Variants in SMYD3 observed in about 807,000 individuals in gnomAD.
The protein encoded by SMYD3 is SET and MYND domain containing 3, also known as histone-lysine N-methyltransferase SMYD3.
In SMYD3, 36 loss-of-function variants were observed where a neutral mutation model predicts 57.7. The observed-to-expected ratio is 0.62, with a 90% CI of 0.48 to 0.82. The LOEUF (loss-of-function observed/expected upper bound fraction) is 0.82, where lower values mean the gene tolerates loss of function less well. Ranked by LOEUF, SMYD3 falls within the 40% of genes least tolerant of loss-of-function variation. The pLI is 0.00. For synonymous variants in SMYD3, 211 were observed against 195.0 expected (o/e 1.08, Z -0.68); for missense variants, 515 against 538.8 (o/e 0.96, Z 0.44).
At chr1:246,445,254 T>C (rs909554576) in intron 1 of SMYD3, among the ~76,000 whole-genome samples, 7 of 152,194 alleles carry the variant, frequency 4.6e-5, no homozygotes, top group Non-Finnish European at 1.0e-4. Context: ...TACTGTCAAA[T>C]TAATAAATCA....
At chr1:246,462,436 G>A (rs1179667649) in intron 1 of SMYD3, among the ~76,000 whole-genome samples, 4 of 152,136 alleles carry the variant, frequency 2.6e-5, no homozygotes, top group Non-Finnish European at 5.9e-5. Flanking sequence ...ATGGGGGCCT[G>A]GCCTCAAGTC....
At chr1:245,873,944 A>G (rs866991568) in intron 8 of SMYD3, among the ~76,000 whole-genome samples, 1 of 152,180 alleles carries the variant, frequency 6.6e-6, no homozygotes, top group Non-Finnish European at 1.5e-5. Flanking sequence ...TGAGAACTAC[A>G]TTAGGGTTAC....
rs2148706787 is a variant in SMYD3, at chr1:246,355,829, C to T, written c.165-735G>A. 6.6e-6 allele frequency among the ~76,000 whole-genome samples: 1 copy of T among 152,258 alleles called. No individual in the cohort carries two copies. Among genetic ancestry groups the T allele is most frequent in the East Asian group, 1.9e-4 (1 of 5,172 alleles). ...AGAATCTGAGCTCAGACACACCTATCCCTGCCCCCTGGTGGTCTTTCTCTA... is the reference window on the plus strand; with the variant it reads ...AGAATCTGAGCTCAGACACACCTATTCCTGCCCCCTGGTGGTCTTTCTCTA... On this transcript the variant is annotated intron_variant, in intron 1 of 11. Transcript: ENST00000490107. The surrounding 1 kb of genome is among the most constrained non-coding windows in gnomAD (Gnocchi z 5.0).
chr1:246,446,442 A>G (rs1264035347), intron 1 of SMYD3, among the ~76,000 whole-genome samples: 1 of 152,226 alleles, frequency 6.6e-6, no homozygotes, highest in Non-Finnish European at 1.5e-5. Context: ...TGAAACCACT[A>G]TATTATCCAA....
intron 1 of SMYD3, among the ~76,000 whole-genome samples, chr1:246,435,590 A>G (rs2067358666): frequency 6.6e-6 from 1 of 151,974 alleles, no homozygotes; most frequent in Admixed American, 6.6e-5. Context: ...GGACAAAGCC[A>G]CTGCTTTTCT....
intron 5 of SMYD3, among the ~76,000 whole-genome samples, chr1:246,312,689 A>T (rs1390104018): frequency 6.6e-6 from 1 of 152,188 alleles, no homozygotes; most frequent in Non-Finnish European, 1.5e-5. Context: ...TATAGAAAAT[A>T]TGGGATGAGC....
intron 5 of SMYD3, among the ~76,000 whole-genome samples, chr1:245,984,967 A>G (rs1317704817): frequency 6.6e-6 from 1 of 151,778 alleles, no homozygotes; most frequent in African/African-American, 2.4e-5. Flanking sequence ...ACATCTCACG[A>G]CCCCACATGA....
intron 5 of SMYD3, among the ~76,000 whole-genome samples, chr1:246,062,933 T>C (rs761250546): frequency 4.6e-5 from 7 of 152,164 alleles, no homozygotes; most frequent in Non-Finnish European, 8.8e-5. Context: ...GTGACTACCT[T>C]GGAAAACTTA....
chr1:246,356,236 G>A (rs1046459247), intron 1 of SMYD3, among the ~76,000 whole-genome samples: 3 of 152,106 alleles, frequency 2.0e-5, no homozygotes, highest in Non-Finnish European at 2.9e-5. Context: ...CCATCCCTGG[G>A]GGAGGAGGGA....
chr1:246,345,599 G>A (rs570035493), intron 2 of SMYD3, among the ~76,000 whole-genome samples: 1 of 152,270 alleles, frequency 6.6e-6, no homozygotes, highest in African/African-American at 2.4e-5. Flanking sequence ...TTGGATTTTG[G>A]AGCGCTGCAG....
At chr1:246,269,301 G>A (rs148627550) in intron 5 of SMYD3, among the ~76,000 whole-genome samples, 13 of 152,204 alleles carry the variant, frequency 8.5e-5, no homozygotes, top group Middle Eastern at 3.4e-3. Context: ...TGAATTGAAC[G>A]GCTTCTAAGT....
At chr1:246,046,886 A>G (rs1335057755) in intron 5 of SMYD3, among the ~76,000 whole-genome samples, 4 of 151,784 alleles carry the variant, frequency 2.6e-5, no homozygotes, top group African/African-American at 9.7e-5. Context: ...AAATCAAATG[A>G]AAAATATTTT....
chr1:246,111,938 T>C (rs1380202082), intron 5 of SMYD3, among the ~76,000 whole-genome samples: 1 of 152,206 alleles, frequency 6.6e-6, no homozygotes, highest in Non-Finnish European at 1.5e-5. Flanking sequence ...AGCAATATTA[T>C]TTGTTTCACA....
chr1:246,104,642 G>GAA (rs148805548), intron 5 of SMYD3, among the ~76,000 whole-genome samples: 5 of 151,984 alleles, frequency 3.3e-5, no homozygotes, highest in African/African-American at 1.2e-4. Flanking sequence ...GAAATGGGGG[G>GAA]AAAAATAACA....
intron 5 of SMYD3, among the ~76,000 whole-genome samples, chr1:246,164,422 GAAAT>G (rs755805146): frequency 6.6e-6 from 1 of 151,936 alleles, no homozygotes. Context: ...TCCGTCTCAA[GAAAT>G]AAATAAATAA....
In SMYD3 at chr1:246,092,021, A is replaced by T. The variant is rs139166183; in HGVS notation, c.532-162084T>A. On this transcript the variant is annotated intron_variant, in intron 5 of 11. Transcript: ENST00000490107. Reference sequence around the variant, plus strand: ...TAGTCATTTAACACAATTTTTTTTTAAAAAGTATATGTAGCTTTTACTAAT... The same window carrying T: ...TAGTCATTTAACACAATTTTTTTTTTAAAAGTATATGTAGCTTTTACTAAT... Among the ~76,000 whole-genome samples the T allele has an allele frequency of 8.5e-4, 129 of 152,212 alleles. No individual in the cohort carries two copies. In the East Asian group the frequency reaches 8.9e-3, roughly 10 times the overall value.
chr1:245,960,353 AAAGC>A (rs2057967052), intron 5 of SMYD3, among the ~76,000 whole-genome samples: 1 of 152,234 alleles, frequency 6.6e-6, no homozygotes, highest in Non-Finnish European at 1.5e-5. Context: ...TTCTGTTATG[AAAGC>A]AGACAATTTA....
chr1:245,872,718 C>T (rs2052277626), intron 8 of SMYD3, among the ~76,000 whole-genome samples: 1 of 152,244 alleles, frequency 6.6e-6, no homozygotes, highest in Admixed American at 6.5e-5. Flanking sequence ...CTTTAGATCT[C>T]AGGCAGAAAC....
At chr1:245,882,978 C>T (rs1199382474) in intron 8 of SMYD3, among the ~76,000 whole-genome samples, 1 of 152,156 alleles carries the variant, frequency 6.6e-6, no homozygotes, top group Non-Finnish European at 1.5e-5. Flanking sequence ...CTGTGCTTCG[C>T]TAATAGCTAA....
Sources: gnomAD v4.1 joint callset for allele counts (sites outside exome capture counted in the v4.1 genomes callset) on GRCh38, gnomAD v4.1.1 for gene constraint, Gnocchi (gnomAD v3.1) non-coding constraint, MANE v1.5 for transcripts, NCBI Gene and HGNC (gene_info 2026-07-23, HGNC 2026-07-21) for gene names.